The following KIAA1328 variants were observed in gnomAD, a reference collection of about 807,000 sequenced individuals.
KIAA1328 encodes protein hinderin.
KIAA1328 carries 52 observed loss-of-function variants against 68.1 expected under a neutral mutation model. That is an observed-to-expected ratio of 0.76 (90% CI 0.61 to 0.96). KIAA1328 has a LOEUF of 0.96. Ranked by LOEUF, KIAA1328 falls within the 40% of genes least tolerant of loss-of-function variation. The pLI is 0.00. For missense variants in KIAA1328, 641 were observed against 677.6 expected (o/e 0.95, Z 0.60); for synonymous variants, 232 against 239.4 (o/e 0.97, Z 0.28).
At chr18:36,928,670 G>C (rs993312338) in intron 5 of KIAA1328, among the ~76,000 whole-genome samples, 2 of 150,160 alleles carry the variant, frequency 1.3e-5, no homozygotes, top group African/African-American at 4.9e-5. Context: ...GTATAGGGGT[G>C]AGAGAGAGAG....
At chr18:37,055,195 C>T (rs2055861208) in intron 6 of KIAA1328, among the ~76,000 whole-genome samples, 1 of 152,124 alleles carries the variant, frequency 6.6e-6, no homozygotes, top group South Asian at 2.1e-4. Context: ...TTAGATCTAA[C>T]TTGTTTACTG....
Position 36,948,887 on chromosome 18 carries a change from A to G in KIAA1328, c.449-10421A>G, listed in dbSNP as rs370610886. On this transcript the variant is annotated intron_variant, in intron 5 of 9. Transcript: ENST00000280020. ...CTTTCAGTCTGTTTCTCGTGTTTGG[A>G]GCTGGTAGTTTTCAGCCTGATATGT... 1.2e-3 allele frequency among the ~76,000 whole-genome samples: 188 copies of G among 152,248 alleles called. 2 individuals carry two copies. The South Asian group carries it at 0.037, about 30-fold the overall frequency.
intron 8 of KIAA1328, 85 bp downstream of exon 8, chr18:37,160,466 A>G: frequency 8.0e-7 from 1 of 1,253,002 alleles, no homozygotes; most frequent in East Asian, 2.4e-5. Context: ...GATTTCCTAC[A>G]ATGCTGAGCA....
At chr18:36,899,644 A>G (rs2048972651) in intron 5 of KIAA1328, among the ~76,000 whole-genome samples, 1 of 152,014 alleles carries the variant, frequency 6.6e-6, no homozygotes, top group Admixed American at 6.6e-5. Context: ...TAGCACATAT[A>G]TTTCACATTT....
At chr18:36,853,257 T>C (rs2047273021) in intron 4 of KIAA1328, among the ~76,000 whole-genome samples, 1 of 152,218 alleles carries the variant, frequency 6.6e-6, no homozygotes, top group Non-Finnish European at 1.5e-5. Context: ...GATTATGACT[T>C]TTAAAGATTT....
At chr18:37,033,866 G>T (rs1318653708) in intron 6 of KIAA1328, among the ~76,000 whole-genome samples, 1 of 152,036 alleles carries the variant, frequency 6.6e-6, no homozygotes, top group Non-Finnish European at 1.5e-5. Flanking sequence ...TCTATTTTAG[G>T]GCTTAGCTCA....
intron 4 of KIAA1328, among the ~76,000 whole-genome samples, chr18:36,879,807 C>T (rs1280012880): frequency 3.9e-5 from 6 of 152,194 alleles, no homozygotes; most frequent in Non-Finnish European, 7.3e-5. Context: ...GTTCAAACTT[C>T]CCACTGGCTT....
At chr18:37,031,299 G>A (rs1251507168) in intron 6 of KIAA1328, among the ~76,000 whole-genome samples, 4 of 151,746 alleles carry the variant, frequency 2.6e-5, no homozygotes, top group Non-Finnish European at 5.9e-5. Context: ...ATGATTGTGG[G>A]GTTTTTTTTC....
intron 6 of KIAA1328, among the ~76,000 whole-genome samples, chr18:36,998,257 C>T (rs1173333304): frequency 1.1e-4 from 16 of 152,158 alleles, no homozygotes; most frequent in Admixed American, 1.0e-3. Context: ...AAACTTCCAG[C>T]GGTTACCACC....
At chr18:36,947,918 T>C (rs879691349) in intron 5 of KIAA1328, among the ~76,000 whole-genome samples, 6 of 152,172 alleles carry the variant, frequency 3.9e-5, no homozygotes, top group Non-Finnish European at 8.8e-5. Context: ...GCAGAGAGAC[T>C]GCTTTGCCAG....
At chr18:37,021,645 AT>A (rs1415024578) in intron 6 of KIAA1328, among the ~76,000 whole-genome samples, 1 of 152,016 alleles carries the variant, frequency 6.6e-6, no homozygotes. Flanking sequence ...CTTAAATGAT[AT>A]TTTTTTAAGT....
At chr18:37,062,717 A>C (rs916581089) in intron 6 of KIAA1328, among the ~76,000 whole-genome samples, 1 of 152,078 alleles carries the variant, frequency 6.6e-6, no homozygotes, top group Admixed American at 6.5e-5. Flanking sequence ...GGCCTCCCAA[A>C]GTGCTGGGAT....
intron 9 of KIAA1328, among the ~76,000 whole-genome samples, chr18:37,199,905 G>T (rs1035386318): frequency 6.6e-6 from 1 of 152,162 alleles, no homozygotes; most frequent in Non-Finnish European, 1.5e-5. Context: ...CTTTTGAGAA[G>T]TGTCTTTTCA....
At chr18:37,087,937 G>A (rs1043600816) in intron 7 of KIAA1328, among the ~76,000 whole-genome samples, 19 of 152,102 alleles carry the variant, frequency 1.2e-4, no homozygotes, top group Non-Finnish European at 2.5e-4. Flanking sequence ...AGCCTCTCCT[G>A]GGGGATAAAC....
At position 37,192,597 on chromosome 18, in the gene KIAA1328, G is replaced by A. The variant is rs553279127; in HGVS notation, c.1523+19516G>A. The stretch of plus-strand genomic sequence containing the variant: ...TTACGGCTTTTCCTGCTGGAGCCTA[G>A]CAAGTAATATTCTCTGACTCCAAGC... On this transcript the variant is annotated intron_variant, in intron 9 of 9. Transcript: ENST00000280020. Among the ~76,000 whole-genome samples, 156 of 152,188 alleles carry A rather than the reference G, an allele frequency of 1.0e-3. 2 individuals are homozygous for A. The highest frequency in any genetic ancestry group is 3.7e-3 in the African/African-American group (153 of 41,520).
At position 36,842,973 on chromosome 18, in the gene KIAA1328, A is replaced by C. The variant is rs529192091; in HGVS notation, c.238-1235A>C. On this transcript the variant is annotated intron_variant, in intron 3 of 9. Transcript: ENST00000280020. The stretch of plus-strand genomic sequence containing the variant: ...AATTACTTAAATTGAAATTAAAATC[A>C]AATGCCAATTTTCCTGGACTTGTAG... Among the ~76,000 whole-genome samples, 260 of 152,200 alleles carry C rather than the reference A, an allele frequency of 1.7e-3. 2 individuals carry two copies. The highest frequency in any genetic ancestry group is 2.5e-3 in the Non-Finnish European group (170 of 67,994).
Position 37,222,615 on chromosome 18 carries a change from C to G in KIAA1328, c.*388C>G. 1 of 1,038,938 alleles carries G rather than the reference C, an allele frequency of 9.6e-7. No homozygotes were observed. Among genetic ancestry groups the G allele is most frequent in the Non-Finnish European group, 1.2e-6 (1 of 863,328 alleles). The allele number at this position is 1,038,938 out of a possible 1,614,324, so 64.4% of individuals were successfully genotyped here. On this transcript the variant is annotated 3_prime_UTR_variant, in exon 10 of 10. Transcript: ENST00000280020. ...AAGAAAAACCTTTCCACTGAAAAAT[C>G]CCTCTGATTTAAAAGTAACCCCTTT...
chr18:37,102,056 A>T (rs920934831), intron 7 of KIAA1328, among the ~76,000 whole-genome samples: 1 of 152,230 alleles, frequency 6.6e-6, no homozygotes, highest in Non-Finnish European at 1.5e-5. Context: ...CAACAGAAAA[A>T]GAAAATTACA....
At chr18:37,021,689 A>AC (rs1213427789) in intron 6 of KIAA1328, among the ~76,000 whole-genome samples, 8 of 150,066 alleles carry the variant, frequency 5.3e-5, no homozygotes, top group Non-Finnish European at 8.9e-5. Context: ...TGGCTTTGGA[A>AC]CCCCCCTCCC....
Sources: gnomAD v4.1 joint callset for allele counts (sites outside exome capture counted in the v4.1 genomes callset) on GRCh38, gnomAD v4.1.1 for gene constraint, MANE v1.5 for transcripts, NCBI Gene and HGNC (gene_info 2026-07-23, HGNC 2026-07-21) for gene names.